RBFOX1: variants seen among roughly 807,000 people sequenced by gnomAD.
RBFOX1 encodes the protein RNA binding fox-1 homolog 1, also known as RNA binding protein fox-1 homolog 1.
In RBFOX1, 8 loss-of-function variants were observed where a neutral mutation model predicts 57.7. The observed-to-expected ratio is 0.14, with a 90% CI of 0.08 to 0.25. RBFOX1 has a LOEUF of 0.25. RBFOX1 is among the 10% of genes least tolerant of loss of function. RBFOX1 has a pLI of 1.00. For synonymous variants in RBFOX1, 326 were observed against 222.4 expected (o/e 1.47, Z -4.15); for missense variants, 611 against 548.5 (o/e 1.11, Z -1.14).
At chr16:6,450,763 A>ATATG (rs1432127553) in intron 2 of RBFOX1, among the ~76,000 whole-genome samples, 7 of 35,382 alleles carry the variant, frequency 2.0e-4, no homozygotes, top group South Asian at 2.2e-3. Context: ...ACATATATAT[A>ATATG]TGTGTATATA....
chr16:6,855,128 C>T (rs1458446465), intron 3 of RBFOX1, among the ~76,000 whole-genome samples: 1 of 152,024 alleles, frequency 6.6e-6, no homozygotes, highest in Non-Finnish European at 1.5e-5. Context: ...GATTCCAGCA[C>T]TATACTGTAA....
intron 2 of RBFOX1, among the ~76,000 whole-genome samples, chr16:5,564,740 T>C (rs1162943621): frequency 6.6e-6 from 1 of 152,190 alleles, no homozygotes; most frequent in Non-Finnish European, 1.5e-5. Context: ...ACAGTATTTA[T>C]TGAGTGCATA....
chr16:7,145,762 A>T (rs562215095), intron 4 of RBFOX1, among the ~76,000 whole-genome samples: 1 of 152,046 alleles, frequency 6.6e-6, no homozygotes, highest in Non-Finnish European at 1.5e-5. Context: ...TATTAGGGAG[A>T]TATAAAAATC....
intron 2 of RBFOX1, among the ~76,000 whole-genome samples, chr16:5,586,245 C>T (rs1645729947): frequency 6.6e-6 from 1 of 152,108 alleles, no homozygotes; most frequent in African/African-American, 2.4e-5. Flanking sequence ...TTCAGGCCTT[C>T]AGAACTATGA....
At chr16:5,486,434 A>C (rs2042630290) in intron 2 of RBFOX1, among the ~76,000 whole-genome samples, 1 of 152,050 alleles carries the variant, frequency 6.6e-6, no homozygotes, top group Non-Finnish European at 1.5e-5. Flanking sequence ...TCAGTATTCA[A>C]CTCCGTCATT....
chr16:7,369,425 A>T (rs995097463), intron 4 of RBFOX1, among the ~76,000 whole-genome samples: 1 of 152,022 alleles, frequency 6.6e-6, no homozygotes, highest in Non-Finnish European at 1.5e-5. Flanking sequence ...TCTCACTATT[A>T]ATTCATCTGT....
At chr16:7,563,013 T>C (rs537055920) in intron 5 of RBFOX1, among the ~76,000 whole-genome samples, 2 of 152,322 alleles carry the variant, frequency 1.3e-5, no homozygotes, top group African/African-American at 4.8e-5. Context: ...GCCAGGGCTC[T>C]AAGCCACTGT....
intron 3 of RBFOX1, among the ~76,000 whole-genome samples, chr16:6,746,522 C>A (rs889994220): frequency 2.0e-5 from 3 of 151,820 alleles, no homozygotes; most frequent in Admixed American, 2.0e-4. Flanking sequence ...ACAAAAAATA[C>A]AAAAAATTGC....
intron 2 of RBFOX1, among the ~76,000 whole-genome samples, chr16:6,416,602 T>C (rs535452480): frequency 1.2e-4 from 19 of 152,222 alleles, no homozygotes; most frequent in African/African-American, 4.3e-4. Flanking sequence ...AGGGTGATTG[T>C]AAATTTTATG....
intron 1 of RBFOX1, among the ~76,000 whole-genome samples, chr16:6,308,257 A>G (rs74620774): frequency 1.8e-4 from 27 of 152,162 alleles, no homozygotes; most frequent in African/African-American, 5.8e-4. Flanking sequence ...ATCATCTGTT[A>G]TTTCCATATT....
At chr16:5,530,309 C>G (rs752841753) in intron 2 of RBFOX1, among the ~76,000 whole-genome samples, 6 of 152,174 alleles carry the variant, frequency 3.9e-5, no homozygotes, top group Non-Finnish European at 5.9e-5. Flanking sequence ...GCCTTTCTCT[C>G]ATTTATTGCT....
chr16:7,488,660 C>A (rs2066079606), intron 4 of RBFOX1, among the ~76,000 whole-genome samples: 1 of 152,186 alleles, frequency 6.6e-6, no homozygotes, highest in Non-Finnish European at 1.5e-5. Context: ...GTACGTACAT[C>A]AATCTGTCCA....
intron 2 of RBFOX1, among the ~76,000 whole-genome samples, chr16:6,454,540 T>TG (rs753425955): frequency 5.4e-4 from 82 of 152,230 alleles, no homozygotes; most frequent in South Asian, 1.0e-3. Flanking sequence ...TTTATGTGAC[T>TG]GAGTGAGACA....
chr16:7,312,402 G>C (rs1454171750), intron 4 of RBFOX1, among the ~76,000 whole-genome samples: 3 of 152,190 alleles, frequency 2.0e-5, no homozygotes, highest in African/African-American at 7.2e-5. Context: ...CAACAACAAT[G>C]AAACAAAGGA....
At chr16:6,077,868 A>T (rs112753353) in intron 1 of RBFOX1, among the ~76,000 whole-genome samples, 1 of 152,032 alleles carries the variant, frequency 6.6e-6, no homozygotes, top group African/African-American at 2.4e-5. Flanking sequence ...GCATGATATG[A>T]CGGTTGTGAC....
intron 3 of RBFOX1, among the ~76,000 whole-genome samples, chr16:6,995,329 T>TTA (rs2092096212): frequency 6.7e-6 from 1 of 150,290 alleles, no homozygotes; most frequent in African/African-American, 2.5e-5. Context: ...TGTGTGTGTG[T>TTA]GTTAGAAGTG....
chr16:7,697,719 CCA>C lies in RBFOX1; in HGVS notation c.996-11329_996-11328del, dbSNP rs374108512. ...ACCCTTCCCCTGGGTCACACTGCCT[CCA>C]CACACACCTTTTTCTTCACCCTTGG... On this transcript the variant is annotated intron_variant, in intron 14 of 15. Coordinates refer to ENST00000550418, the MANE Select transcript of RBFOX1 (RefSeq NM_018723.4). Among the ~76,000 whole-genome samples, 75 of 152,220 alleles carry C rather than the reference CCA, an allele frequency of 4.9e-4. 1 individual carries two copies. The highest frequency in any genetic ancestry group is 1.6e-3 in the African/African-American group (68 of 41,538).
At chr16:6,542,627 C>T (rs926126919) in intron 2 of RBFOX1, among the ~76,000 whole-genome samples, 3 of 151,148 alleles carry the variant, frequency 2.0e-5, no homozygotes, top group South Asian at 2.1e-4. Flanking sequence ...GTAGCTGGGA[C>T]CACAGGCGCC....
intron 1 of RBFOX1, among the ~76,000 whole-genome samples, chr16:6,112,407 G>C (rs761404969): frequency 6.6e-6 from 1 of 152,130 alleles, no homozygotes; most frequent in Non-Finnish European, 1.5e-5. Flanking sequence ...AAAGAAGTCC[G>C]AGGCTGGGCA....
Sources: allele counts gnomAD v4.1 joint callset (sites outside exome capture counted in the v4.1 genomes callset), GRCh38; gene constraint gnomAD v4.1.1; transcripts MANE v1.5; gene names NCBI Gene and HGNC (gene_info 2026-07-23, HGNC 2026-07-21).